Variants in TMC5 observed in about 807,000 individuals in gnomAD.
The protein encoded by TMC5 is transmembrane channel-like protein 5.
A neutral mutation model predicts 110.5 loss-of-function variants in TMC5; 86 were observed. The observed-to-expected ratio is 0.78, with a 90% confidence interval of 0.65 to 0.93. The LOEUF is 0.93. Ranked by LOEUF, TMC5 falls within the 40% of genes least tolerant of loss-of-function variation. TMC5 has a pLI of 0.00. For synonymous variants in TMC5, 455 were observed against 439.5 expected (o/e 1.04, Z -0.44); for missense variants, 1,144 against 1,222.8 (o/e 0.94, Z 0.96).
At chr16:19,489,029 CTT>C (rs1044526447) in intron 17 of TMC5, among the ~76,000 whole-genome samples, 2 of 147,082 alleles carry the variant, frequency 1.4e-5, no homozygotes, top group African/African-American at 5.5e-5. Context: ...TATCCACTCT[CTT>C]CTCTCTCTTC....
rs145505872 is a variant in TMC5 at position 19,464,022 on chromosome 16, G to T, written c.1483G>T (p.Val495Leu). ...CACTGGGCTGGAGTTTTTCACTGGGGTGGTAAGTCCTCCACTTCCCCTACC... is the reference window on the plus strand; with the variant it reads ...CACTGGGCTGGAGTTTTTCACTGGGTTGGTAAGTCCTCCACTTCCCCTACC... Reference protein sequence around the residue: ...QFTGLEFFTGVGYFRDTVMYY... With the variant: ...QFTGLEFFTGLGYFRDTVMYY... Residue 495 changes from valine to leucine, a missense_variant and splice_region_variant, in exon 8 of 22, where the codon GTG becomes TTG. Val to Leu is a conservative substitution (Grantham distance 32). Transcript: ENST00000542583. 7 of 1,613,634 alleles carry T rather than the reference G, an allele frequency of 4.3e-6. No individual in the cohort carries two copies. Among genetic ancestry groups the T allele is most frequent in the African/African-American group, 1.3e-5 (1 of 74,872 alleles).
intron 1 of TMC5, among the ~76,000 whole-genome samples, chr16:19,424,848 A>G (rs899386403): frequency 6.6e-6 from 1 of 152,184 alleles, no homozygotes; most frequent in Non-Finnish European, 1.5e-5. Context: ...TCCATTGATT[A>G]TTAAATCAAT....
At chr16:19,469,592 T>C in intron 9 of TMC5, 89 bp from the exon 10 acceptor site, 1 of 1,530,488 alleles carries the variant, frequency 6.5e-7, no homozygotes, top group Non-Finnish European at 9.0e-7. Flanking sequence ...CCTTTCACCA[T>C]TAATAATAGG....
At chr16:19,478,817 C>A (rs1372448919) in intron 13 of TMC5, among the ~76,000 whole-genome samples, 1 of 152,148 alleles carries the variant, frequency 6.6e-6, no homozygotes, top group Non-Finnish European at 1.5e-5. Context: ...ATTTACCCAT[C>A]CATCATCCAT....
intron 15 of TMC5, among the ~76,000 whole-genome samples, chr16:19,483,795 A>T (rs1256268507): frequency 6.8e-6 from 1 of 146,582 alleles, no homozygotes; most frequent in Non-Finnish European, 1.5e-5. Flanking sequence ...AAAAGAAAAG[A>T]AAAGAAAAGG....
chr16:19,415,407 G>T (rs1281335526), upstream of TMC5, among the ~76,000 whole-genome samples: 1 of 152,100 alleles, frequency 6.6e-6, no homozygotes, highest in African/African-American at 2.4e-5. Context: ...GACATTTTTG[G>T]TTGTCGTAGC....
chr16:19,423,825 C>T (rs1338290811), intron 1 of TMC5, among the ~76,000 whole-genome samples: 1 of 152,156 alleles, frequency 6.6e-6, no homozygotes, highest in Non-Finnish European at 1.5e-5. Context: ...CATCTTGGCT[C>T]ACTGCAATCT....
At chr16:19,467,142 CA>C (rs758104363) in intron 9 of TMC5, among the ~76,000 whole-genome samples, 7 of 145,484 alleles carry the variant, frequency 4.8e-5, no homozygotes, top group Admixed American at 6.9e-5. Context: ...GATCCTGTTT[CA>C]AAAAAAAAAG....
intron 10 of TMC5, among the ~76,000 whole-genome samples, chr16:19,470,946 G>A (rs955788462): frequency 1.1e-4 from 17 of 152,030 alleles, no homozygotes; most frequent in Admixed American, 5.2e-4. Context: ...TGAGGCTGGA[G>A]AATCGCTTGA....
intron 17 of TMC5, among the ~76,000 whole-genome samples, chr16:19,488,971 C>T (rs1968817318): frequency 6.7e-6 from 1 of 150,052 alleles, no homozygotes; most frequent in South Asian, 2.1e-4. Context: ...ACATGTGAAA[C>T]TGGGGCTCTC....
Position 19,456,194 on chromosome 16 carries a change from G to A in TMC5, c.1049-4041G>A, listed in dbSNP as rs143112475. Reference sequence around the variant, plus strand: ...TGCACTCCAGCCTGGGTGACATAGCGAGACTCCATCTCAAAAAAAAAAATA... The same window carrying A: ...TGCACTCCAGCCTGGGTGACATAGCAAGACTCCATCTCAAAAAAAAAAATA... On this transcript the variant is annotated intron_variant, in intron 5 of 21. Transcript: ENST00000542583. 7.8e-3 allele frequency among the ~76,000 whole-genome samples: 1,165 copies of A among 149,810 alleles called. 12 individuals are homozygous for A. Among genetic ancestry groups the A allele is most frequent in the African/African-American group, 0.027 (1,081 of 40,090 alleles).
chr16:19,427,406 C>G (rs549705021), intron 1 of TMC5, among the ~76,000 whole-genome samples: 1 of 152,198 alleles, frequency 6.6e-6, no homozygotes, highest in Non-Finnish European at 1.5e-5. Flanking sequence ...GAGCTATCAT[C>G]GTGCCACTGC....
Position 19,460,162 on chromosome 16 carries a change from T to A in TMC5, c.1049-73T>A, listed in dbSNP as rs556905385. ...CTTCCCTTGTGTTACGTGCTCTGAC[T>A]TCAGCACCACATTTCAGTGTTACGA... On this transcript the variant is annotated intron_variant, in intron 5 of 21. Coordinates refer to ENST00000542583, the MANE Select transcript of TMC5 (RefSeq NM_001261841.2). 473 of 1,200,978 alleles carry A rather than the reference T, an allele frequency of 3.9e-4. 1 individual carries two copies. The highest frequency in any genetic ancestry group is 5.3e-4 in the Non-Finnish European group (444 of 832,420). The allele number at this position is 1,200,978 out of a possible 1,614,324, so 74.4% of individuals were successfully genotyped here. A position where few individuals can be genotyped will look rare whatever the true frequency, so the allele number is the denominator to read the frequency against.
At chr16:19,460,364 A>G in intron 6 of TMC5, 30 bp downstream of exon 6, 1 of 1,493,370 alleles carries the variant, frequency 6.7e-7, no homozygotes, top group Non-Finnish European at 9.3e-7. Flanking sequence ...CTTCTTTCTC[A>G]GATTTCATGC....
intron 1 of TMC5, among the ~76,000 whole-genome samples, chr16:19,430,196 C>T (rs1269833462): frequency 6.6e-6 from 1 of 152,156 alleles, no homozygotes; most frequent in Non-Finnish European, 1.5e-5. Flanking sequence ...AAAACAAATG[C>T]AAGTCTGGAA....
In TMC5 at chr16:19,466,121, A is replaced by T; in HGVS notation, c.1525A>T (p.Thr509Ser). 6.2e-7 allele frequency: 1 copy of T among 1,613,966 alleles called. No homozygotes were observed. Residue 509 changes from threonine (T) to serine (S), a missense_variant, in exon 9 of 22, where the codon ACC (threonine) becomes TCC (serine). Thr to Ser is a moderately conservative substitution (Grantham distance 58). Transcript: ENST00000542583. ...CACAGTGATGTACTATGGCTTTTACACCAATTCCACCATCCAGCACGGGAA... is the reference window on the plus strand; with the variant it reads ...CACAGTGATGTACTATGGCTTTTACTCCAATTCCACCATCCAGCACGGGAA... ...RDTVMYYGFY[T>S]NSTIQHGNSG... is the part of the protein sequence containing the mutation.
intron 10 of TMC5, among the ~76,000 whole-genome samples, chr16:19,471,565 C>T (rs1266725995): frequency 6.6e-6 from 1 of 152,156 alleles, no homozygotes; most frequent in Non-Finnish European, 1.5e-5. Flanking sequence ...TTTGGAGATT[C>T]TTGGCCCATT....
In TMC5 at chr16:19,492,941, TAA is replaced by T. The variant is rs1555486845; in HGVS notation, c.2826+714_2826+715del. On this transcript the variant is annotated intron_variant, in intron 19 of 21. Coordinates refer to ENST00000542583, the MANE Select transcript of TMC5 (RefSeq NM_001261841.2). ...ATATATATATATATATATCTCTCTA[TAA>T]GATAAATACTTTTATTTCATTTATT... 4.3e-4 allele frequency among the ~76,000 whole-genome samples: 48 copies of T among 112,394 alleles called. 7 individuals are homozygous for T. The highest frequency in any genetic ancestry group is 1.1e-3 in the South Asian group (3 of 2,814). 73.7% of individuals were successfully genotyped at this position (112,394 alleles called of 152,430 possible).
chr16:19,471,292 T>C (rs542845245), intron 10 of TMC5, among the ~76,000 whole-genome samples: 3 of 152,138 alleles, frequency 2.0e-5, no homozygotes, highest in Non-Finnish European at 4.4e-5. Flanking sequence ...AATCTCACTA[T>C]GTTGCCCAGG....
Sources: allele counts gnomAD v4.1 joint callset (sites outside exome capture counted in the v4.1 genomes callset), GRCh38; gene constraint gnomAD v4.1.1; transcripts MANE v1.5; gene names NCBI Gene and HGNC (gene_info 2026-07-23, HGNC 2026-07-21).